The following RALYL variants were observed in gnomAD, a reference collection of about 807,000 sequenced individuals.
The protein encoded by RALYL is RALY RNA binding protein like.
In RALYL, 29 loss-of-function variants were observed where a neutral mutation model predicts 35.1. The ratio of observed to expected loss-of-function variants is 0.83; its 90% CI spans 0.61 to 1.13. The LOEUF is 1.13. Among genes scored for constraint, RALYL ranks in the 50% most tolerant of loss-of-function variants. The pLI is 0.00. For synonymous variants in RALYL, 120 were observed against 127.6 expected, an observed-to-expected ratio of 0.94 and a Z score of 0.40; for missense variants, 359 against 360.4, an observed-to-expected ratio of 1.00 and a Z score of 0.03.
intron 2 of RALYL, among the ~76,000 whole-genome samples, chr8:84,719,904 C>A (rs1343164143): frequency 1.3e-5 from 2 of 152,100 alleles, no homozygotes; most frequent in African/African-American, 4.8e-5. Flanking sequence ...GTTAATCAAT[C>A]TCTCATTATA....
intron 3 of RALYL, among the ~76,000 whole-genome samples, chr8:84,781,625 T>C (rs1586204885): frequency 1.3e-5 from 2 of 152,130 alleles, no homozygotes; most frequent in East Asian, 3.8e-4. Flanking sequence ...TAGTTTATGA[T>C]AAAAATCAAA....
intron 2 of RALYL, among the ~76,000 whole-genome samples, chr8:84,588,514 A>G (rs767039130): frequency 5.9e-5 from 9 of 152,224 alleles, no homozygotes; most frequent in Admixed American, 2.0e-4. Context: ...CTCTGAAGAC[A>G]TCACAAATGT....
intron 1 of RALYL, among the ~76,000 whole-genome samples, chr8:84,281,104 A>G (rs1488068624): frequency 1.3e-5 from 2 of 152,116 alleles, no homozygotes. Context: ...GCATGACTAT[A>G]CAGAGGTTTT....
chr8:84,293,655 T>C (rs73304881), intron 1 of RALYL, among the ~76,000 whole-genome samples: 3,094 of 152,270 alleles, frequency 0.02, 116 homozygotes, highest in African/African-American at 0.07. Flanking sequence ...TAGCACAGCG[T>C]AGAAAACACT....
chr8:84,292,292 C>G (rs1370323502), intron 1 of RALYL, among the ~76,000 whole-genome samples: 1 of 152,106 alleles, frequency 6.6e-6, no homozygotes, highest in South Asian at 2.1e-4. Context: ...CTGCAAATTC[C>G]AGTTACAAGT....
chr8:84,791,114 G>A (rs1820669774), intron 3 of RALYL, among the ~76,000 whole-genome samples: 1 of 152,110 alleles, frequency 6.6e-6, no homozygotes, highest in South Asian at 2.1e-4. Context: ...AGATGTTATA[G>A]AAAAAAATTA....
chr8:84,766,003 G>C (rs1320198510), intron 2 of RALYL, among the ~76,000 whole-genome samples: 3 of 152,102 alleles, frequency 2.0e-5, no homozygotes, highest in Non-Finnish European at 4.4e-5. Flanking sequence ...TCTGAAAAAT[G>C]ACAGAGCCAG....
intron 1 of RALYL, among the ~76,000 whole-genome samples, chr8:84,486,127 G>A (rs1464835916): frequency 6.8e-6 from 1 of 148,086 alleles, no homozygotes; most frequent in African/African-American, 2.5e-5. Context: ...TGTACCTAGT[G>A]TGCATTTGAC....
intron 1 of RALYL, among the ~76,000 whole-genome samples, chr8:84,384,970 G>A (rs1858865655): frequency 6.6e-6 from 1 of 151,612 alleles, no homozygotes; most frequent in South Asian, 2.1e-4. Flanking sequence ...TTTGTTTTGT[G>A]CCCTGGGCAT....
At position 84,817,823 on chromosome 8, in the gene RALYL, G is replaced by T. The variant is rs558657670; in HGVS notation, c.365+13021G>T. Among the ~76,000 whole-genome samples the T allele has an allele frequency of 2.0e-5, 3 of 152,170 alleles. No homozygotes were observed. The East Asian group carries it at 5.8e-4, about 29-fold the overall frequency. On this transcript the variant is annotated intron_variant, in intron 4 of 8. Transcript: ENST00000521268. ...TCCCACCTCATCCTCCAAAAGTGCT[G>T]GGATTACAAGCATGAGCCATCATAC...
chr8:84,912,157 C>T (rs924562109), intron 8 of RALYL, among the ~76,000 whole-genome samples: 2 of 152,042 alleles, frequency 1.3e-5, no homozygotes, highest in African/African-American at 4.8e-5. Context: ...CCCTAAGTCA[C>T]CTCATCATCA....
intron 2 of RALYL, among the ~76,000 whole-genome samples, chr8:84,531,059 C>G (rs2059246698): frequency 6.6e-6 from 1 of 151,692 alleles, no homozygotes. Context: ...CTCCTTCTTT[C>G]ACTGTCTATT....
chr8:84,605,404 G>A (rs1816886999), intron 2 of RALYL, among the ~76,000 whole-genome samples: 1 of 152,024 alleles, frequency 6.6e-6, no homozygotes, highest in Admixed American at 6.6e-5. Flanking sequence ...ACCCTTTGTG[G>A]TAGGTACTGT....
intron 1 of RALYL, among the ~76,000 whole-genome samples, chr8:84,417,435 T>C (rs1484537971): frequency 6.6e-6 from 1 of 152,112 alleles, no homozygotes; most frequent in Non-Finnish European, 1.5e-5. Context: ...GCTTATTTTC[T>C]TTTCATGGTG....
intron 2 of RALYL, among the ~76,000 whole-genome samples, chr8:84,732,539 G>A (rs1312934244): frequency 1.3e-5 from 2 of 151,234 alleles, no homozygotes; most frequent in Non-Finnish European, 2.9e-5. Flanking sequence ...GTTTTTTGAG[G>A]GAGAAATGTC....
intron 1 of RALYL, among the ~76,000 whole-genome samples, chr8:84,328,882 A>G (rs1846312015): frequency 6.6e-6 from 1 of 152,130 alleles, no homozygotes; most frequent in Non-Finnish European, 1.5e-5. Flanking sequence ...TCCTGCATTG[A>G]TTCGATTAGG....
chr8:84,514,408 T>C (rs948214941), intron 1 of RALYL, among the ~76,000 whole-genome samples: 2 of 152,152 alleles, frequency 1.3e-5, no homozygotes, highest in African/African-American at 4.8e-5. Flanking sequence ...AATATATAAA[T>C]GATAGAAGTT....
At chr8:84,621,826 T>C (rs999137084) in intron 2 of RALYL, among the ~76,000 whole-genome samples, 1 of 152,214 alleles carries the variant, frequency 6.6e-6, no homozygotes, top group Admixed American at 6.5e-5. Context: ...CTTATGAATA[T>C]GTATAATGTC....
At chr8:84,843,118 G>C (rs930518214) in intron 4 of RALYL, among the ~76,000 whole-genome samples, 1 of 152,070 alleles carries the variant, frequency 6.6e-6, no homozygotes, top group African/African-American at 2.4e-5. Flanking sequence ...TCTGGCCAGG[G>C]CAATCAGGCA....
Sources: gnomAD v4.1 joint callset for allele counts (sites outside exome capture counted in the v4.1 genomes callset) on GRCh38, gnomAD v4.1.1 for gene constraint, MANE v1.5 for transcripts, NCBI Gene and HGNC (gene_info 2026-07-23, HGNC 2026-07-21) for gene names.